The following FARP1 variants were observed in gnomAD, a reference collection of about 807,000 sequenced individuals.
FARP1 encodes FERM, ARH/RhoGEF and pleckstrin domain protein 1, also known as FERM, ARHGEF and pleckstrin domain-containing protein 1.
FARP1 carries 52 observed loss-of-function variants against 128.8 expected under a neutral mutation model. The ratio of observed to expected loss-of-function variants is 0.40; its 90% CI spans 0.32 to 0.51. The LOEUF (loss-of-function observed/expected upper bound fraction) is 0.51. Among genes scored for constraint, FARP1 ranks in the 20% least tolerant of loss-of-function variants. FARP1 has a pLI of 0.45. For missense variants in FARP1, 1,333 were observed against 1,367.9 expected (o/e 0.97, Z 0.40); for synonymous variants, 580 against 551.8 (o/e 1.05, Z -0.72).
intron 1 of FARP1, chr13:98,177,099 G>C: frequency 6.2e-7 from 1 of 1,600,242 alleles, no homozygotes; most frequent in Non-Finnish European, 8.5e-7. Context: ...CGCTGCTGCT[G>C]CTCTCTCCGT....
chr13:98,393,587 G>A, intron 11 of FARP1, 56 bp from the exon 12 acceptor site: 1 of 1,412,018 alleles, frequency 7.1e-7, no homozygotes, highest in Non-Finnish European at 1.0e-6. Flanking sequence ...TTAAAACCAA[G>A]GAAAAAGAAA....
chr13:98,380,982 G>A (rs1324222596), intron 6 of FARP1, among the ~76,000 whole-genome samples: 3 of 152,078 alleles, frequency 2.0e-5, no homozygotes, highest in African/African-American at 2.4e-5. Context: ...GTGGAGATTC[G>A]CTGACATCCA....
chr13:98,275,728 A>C (rs1488717430), intron 2 of FARP1, among the ~76,000 whole-genome samples: 1 of 150,832 alleles, frequency 6.6e-6, no homozygotes, highest in Non-Finnish European at 1.5e-5. Context: ...AGTGGTTGAC[A>C]TTGGTGGCTA....
intron 5 of FARP1, among the ~76,000 whole-genome samples, chr13:98,372,081 CTTTTTTTTT>C (rs56838920): frequency 2.2e-5 from 2 of 92,348 alleles, no homozygotes; most frequent in South Asian, 4.1e-4. Context: ...CCCAGTTTTT[CTTTTTTTTT>C]TTTTTTTTTT....
intron 2 of FARP1, among the ~76,000 whole-genome samples, chr13:98,296,970 T>A (rs1313018947): frequency 6.6e-6 from 1 of 152,222 alleles, no homozygotes; most frequent in African/African-American, 2.4e-5. Context: ...CGGCCCTAAA[T>A]GACTTTTTAA....
At chr13:98,215,321 C>T (rs1163460615) in intron 2 of FARP1, among the ~76,000 whole-genome samples, 1 of 152,126 alleles carries the variant, frequency 6.6e-6, no homozygotes, top group East Asian at 1.9e-4. Context: ...TCTTAAAAGC[C>T]CTATCAGTTT....
At chr13:98,362,661 A>G (rs1056700383) in intron 3 of FARP1, among the ~76,000 whole-genome samples, 3 of 152,144 alleles carry the variant, frequency 2.0e-5, no homozygotes, top group Non-Finnish European at 1.5e-5. Context: ...TAAATGTGAG[A>G]TGTCTTGCCC....
At chr13:98,291,035 G>A (rs191734614) in intron 2 of FARP1, among the ~76,000 whole-genome samples, 18 of 152,202 alleles carry the variant, frequency 1.2e-4, no homozygotes, top group Admixed American at 2.6e-4. Flanking sequence ...CAGTTGATCC[G>A]TGAACAACGC....
Position 98,176,054 on chromosome 13 carries a change from A to G in FARP1, c.-24+32562A>G, listed in dbSNP as rs1181648621. ...CATACCTCTTTGAGATCCGGATTTC[A>G]ATTCTTTTGGTTACATACTCAGGCA... On this transcript the variant is annotated intron_variant, in intron 1 of 26. Coordinates refer to ENST00000319562, the MANE Select transcript of FARP1 (RefSeq NM_005766.4). The surrounding 1 kb of genome is among the most constrained non-coding windows in gnomAD (Gnocchi z 6.2). The G allele has an allele frequency of 1.7e-5, 17 of 1,004,132 alleles. No individual in the cohort carries two copies. The highest frequency in any genetic ancestry group is 2.5e-5 in the Non-Finnish European group (16 of 652,256). The allele number at this position is 1,004,132 out of a possible 1,614,324, so 62.2% of individuals were successfully genotyped here.
At chr13:98,409,636 A>G in intron 14 of FARP1, 111 bp downstream of exon 14, 1 of 956,404 alleles carries the variant, frequency 1.0e-6, no homozygotes, top group Non-Finnish European at 1.5e-6. Flanking sequence ...CATGTGAGCC[A>G]TTTTCAAGTG....
At chr13:98,254,956 T>TA (rs1883514637) in intron 2 of FARP1, among the ~76,000 whole-genome samples, 2 of 151,930 alleles carry the variant, frequency 1.3e-5, no homozygotes, top group South Asian at 2.1e-4. Context: ...TTTTTTTTTT[T>TA]AAAGGTTATT....
intron 2 of FARP1, among the ~76,000 whole-genome samples, chr13:98,323,400 TTC>T (rs1381773795): frequency 7.9e-5 from 12 of 151,950 alleles, no homozygotes; most frequent in African/African-American, 2.7e-4. Flanking sequence ...TTTTTTTTTT[TTC>T]TAATGAGTTT....
intron 2 of FARP1, among the ~76,000 whole-genome samples, chr13:98,269,374 G>A (rs1358196987): frequency 2.0e-5 from 3 of 152,214 alleles, no homozygotes; most frequent in African/African-American, 7.2e-5. Flanking sequence ...AGGAAAATGA[G>A]CTTGAATTGA....
intron 2 of FARP1, among the ~76,000 whole-genome samples, chr13:98,306,035 A>T (rs1594380188): frequency 6.6e-6 from 1 of 152,298 alleles, no homozygotes; most frequent in East Asian, 1.9e-4. Flanking sequence ...TCTTCAGTAG[A>T]CTATGAAAGA....
At chr13:98,277,860 A>G (rs1213211828) in intron 2 of FARP1, among the ~76,000 whole-genome samples, 4 of 152,344 alleles carry the variant, frequency 2.6e-5, no homozygotes, top group East Asian at 1.9e-4. Context: ...TTCTGATTCA[A>G]TTGGTTGGGC....
chr13:98,315,039 G>A lies in FARP1; in HGVS notation c.172-28723G>A, dbSNP rs113617360. Among the ~76,000 whole-genome samples the A allele has an allele frequency of 1.7e-3, 264 of 152,346 alleles. 1 individual carries two copies. Among genetic ancestry groups the A allele is most frequent in the African/African-American group, 6.1e-3 (254 of 41,582 alleles). ...AGGCCAAGTCATGGATGGCCAACAG[G>A]ACAGCGCTCCCAGGGCTCCTTAAAT... On this transcript the variant is annotated intron_variant, in intron 2 of 26. Coordinates refer to ENST00000319562, the MANE Select transcript of FARP1 (RefSeq NM_005766.4).
rs1195717728 is a variant in FARP1, at chr13:98,390,943, G to T, written c.1088+63G>T. 2.0e-5 allele frequency: 22 copies of T among 1,113,702 alleles called. No homozygotes were observed. The East Asian group carries it at 4.9e-4, about 25-fold the overall frequency. The allele number at this position is 1,113,702 out of a possible 1,614,324, so 69.0% of individuals were successfully genotyped here. A position where few individuals can be genotyped will look rare whatever the true frequency, so the allele number is the denominator to read the frequency against. ...GCTCAGACTCGCCAGGTAACAGTTT[G>T]TTGCTGCTAAATATTTCTTTACCCA... On this transcript the variant is annotated intron_variant, in intron 11 of 26. Transcript: ENST00000319562.
At chr13:98,265,445 A>C (rs1003368062) in intron 2 of FARP1, among the ~76,000 whole-genome samples, 1 of 145,864 alleles carries the variant, frequency 6.9e-6, no homozygotes. Context: ...TCAGCCTCCC[A>C]AGTAGCTGGG....
At chr13:98,269,368 A>C (rs1175847644) in intron 2 of FARP1, among the ~76,000 whole-genome samples, 1 of 152,242 alleles carries the variant, frequency 6.6e-6, no homozygotes, top group African/African-American at 2.4e-5. Flanking sequence ...TTTAGCAGGA[A>C]AATGAGCTTG....
Sources: gnomAD v4.1 joint callset for allele counts (sites outside exome capture counted in the v4.1 genomes callset) on GRCh38, gnomAD v4.1.1 for gene constraint, Gnocchi (gnomAD v3.1) non-coding constraint, MANE v1.5 for transcripts, NCBI Gene and HGNC (gene_info 2026-07-23, HGNC 2026-07-21) for gene names.